Variants in CLSTN2 observed in about 807,000 individuals in gnomAD.
CLSTN2 encodes calsyntenin-2.
A neutral mutation model predicts 101.2 loss-of-function variants in CLSTN2; 48 were observed. The ratio of observed to expected loss-of-function variants is 0.47; its 90% CI spans 0.38 to 0.60. The LOEUF is 0.60. CLSTN2 is among the 20% of genes least tolerant of loss of function. The pLI, the probability that CLSTN2 is intolerant of heterozygous loss-of-function variation, is 0.00. For missense variants in CLSTN2, 1,160 were observed against 1,238.2 expected, an observed-to-expected ratio of 0.94 and a Z score of 0.95; for synonymous variants, 481 against 463.6, an observed-to-expected ratio of 1.04 and a Z score of -0.48.
At chr3:140,264,381 T>TAC (rs2086677612) in intron 2 of CLSTN2, among the ~76,000 whole-genome samples, 2 of 10,788 alleles carry the variant, frequency 1.9e-4, no homozygotes, top group Non-Finnish European at 4.4e-4. Context: ...ATCAAATATA[T>TAC]ATATATATAT....
chr3:140,553,673 G>A (rs568006592), intron 10 of CLSTN2, among the ~76,000 whole-genome samples: 1 of 152,300 alleles, frequency 6.6e-6, no homozygotes, highest in South Asian at 2.1e-4. Context: ...AATGCTGCAA[G>A]CCACTGAAGT....
chr3:139,953,071 T>C (rs868172598), intron 1 of CLSTN2, among the ~76,000 whole-genome samples: 4 of 152,148 alleles, frequency 2.6e-5, no homozygotes, highest in Non-Finnish European at 5.9e-5. Flanking sequence ...GACCTGCTAA[T>C]AGTGGCTTAG....
chr3:140,342,918 T>C (rs2087506324), intron 2 of CLSTN2, among the ~76,000 whole-genome samples: 1 of 152,174 alleles, frequency 6.6e-6, no homozygotes, highest in Non-Finnish European at 1.5e-5. Context: ...CAAAGGCTAG[T>C]ATCACAAGAG....
At chr3:140,492,623 A>C (rs1934374478) in intron 8 of CLSTN2, among the ~76,000 whole-genome samples, 1 of 152,262 alleles carries the variant, frequency 6.6e-6, no homozygotes, top group Non-Finnish European at 1.5e-5. Context: ...AAGCCTTTTG[A>C]ACTTTGCTCA....
intron 8 of CLSTN2, among the ~76,000 whole-genome samples, chr3:140,480,122 T>G (rs1056844445): frequency 1.1e-4 from 16 of 139,828 alleles, no homozygotes; most frequent in South Asian, 2.3e-4. Flanking sequence ...CAGGCCCCAG[T>G]GTGTGATGTT....
chr3:140,140,401 TGAGA>T (rs372472278), intron 1 of CLSTN2, among the ~76,000 whole-genome samples: 7 of 149,850 alleles, frequency 4.7e-5, no homozygotes, highest in South Asian at 2.1e-4. Context: ...CATCACATGA[TGAGA>T]GAGAGAGAGA....
chr3:140,459,028 C>A (rs1458151655), intron 6 of CLSTN2, among the ~76,000 whole-genome samples: 1 of 152,206 alleles, frequency 6.6e-6, no homozygotes, highest in African/African-American at 2.4e-5. Context: ...CCAATCACAG[C>A]CCTGATCACA....
At position 140,456,368 on chromosome 3, in the gene CLSTN2, A is replaced by G. The variant is rs115779389; in HGVS notation, c.974-3153A>G. ...CTAGGGCTCTTTATCTGTAACCTGG[A>G]ATCTTAACGATATTCACCGCGCAGA... On this transcript the variant is annotated intron_variant, in intron 6 of 16. Coordinates refer to ENST00000458420, the MANE Select transcript of CLSTN2 (RefSeq NM_022131.3). Among the ~76,000 whole-genome samples the G allele has an allele frequency of 4.9e-3, 743 of 152,308 alleles. 2 individuals carry two copies. Among genetic ancestry groups the G allele is most frequent in the Non-Finnish European group, 7.2e-3 (489 of 68,028 alleles).
intron 8 of CLSTN2, chr3:140,508,884 TAA>T (rs1468194930): frequency 6.6e-6 from 1 of 152,074 alleles, no homozygotes; most frequent in Non-Finnish European, 1.5e-5. Flanking sequence ...CTGGCGGGCC[TAA>T]GAGAGGGTTT....
chr3:140,037,238 C>G (rs994224853), intron 1 of CLSTN2, among the ~76,000 whole-genome samples: 12 of 152,152 alleles, frequency 7.9e-5, no homozygotes, highest in African/African-American at 2.4e-4. Flanking sequence ...GTACCTATTA[C>G]CCAGACCCAA....
intron 2 of CLSTN2, among the ~76,000 whole-genome samples, chr3:140,401,514 T>A (rs147362193): frequency 1.0e-3 from 158 of 152,368 alleles, no homozygotes; most frequent in African/African-American, 3.6e-3. Flanking sequence ...TCCTCTCCTC[T>A]GTCTTCTTTC....
chr3:139,977,753 T>G (rs1223284560), intron 1 of CLSTN2, among the ~76,000 whole-genome samples: 1 of 152,182 alleles, frequency 6.6e-6, no homozygotes, highest in Non-Finnish European at 1.5e-5. Flanking sequence ...GCCTGGGCAT[T>G]GCAGAAGAGC....
intron 2 of CLSTN2, among the ~76,000 whole-genome samples, chr3:140,379,688 G>A (rs1479859): frequency 0.95 from 145,415 of 152,296 alleles, 69,773 homozygotes; most frequent in East Asian, 1. Flanking sequence ...TCATCATTTT[G>A]TCATTGGGTA....
At chr3:140,052,898 T>G (rs2008024595) in intron 1 of CLSTN2, among the ~76,000 whole-genome samples, 1 of 152,184 alleles carries the variant, frequency 6.6e-6, no homozygotes, top group African/African-American at 2.4e-5. Context: ...TAGTGAGGAT[T>G]TAATAGCAAA....
At chr3:140,052,005 A>G (rs960545935) in intron 1 of CLSTN2, among the ~76,000 whole-genome samples, 1 of 152,214 alleles carries the variant, frequency 6.6e-6, no homozygotes, top group Non-Finnish European at 1.5e-5. Flanking sequence ...GCATGGCCTT[A>G]GTGAAAGCGA....
chr3:140,192,444 C>T (rs1576461987), intron 2 of CLSTN2, among the ~76,000 whole-genome samples: 1 of 151,816 alleles, frequency 6.6e-6, no homozygotes, highest in African/African-American at 2.4e-5. Context: ...TCTTTTAGTT[C>T]TACCAGTTTT....
At chr3:140,155,245 T>C (rs1468681915) in intron 1 of CLSTN2, among the ~76,000 whole-genome samples, 1 of 152,156 alleles carries the variant, frequency 6.6e-6, no homozygotes, top group Non-Finnish European at 1.5e-5. Context: ...GAATGGAATG[T>C]TGGCAGGTAG....
At chr3:139,976,222 G>A (rs1318327474) in intron 1 of CLSTN2, among the ~76,000 whole-genome samples, 1 of 152,132 alleles carries the variant, frequency 6.6e-6, no homozygotes, top group Non-Finnish European at 1.5e-5. Flanking sequence ...CCTCCTGGTG[G>A]GATAGTGCCC....
chr3:140,373,549 C>T (rs1576537968), intron 2 of CLSTN2, among the ~76,000 whole-genome samples: 2 of 152,196 alleles, frequency 1.3e-5, no homozygotes, highest in Admixed American at 1.3e-4. Flanking sequence ...ATCTTTCTGT[C>T]CTCCCTTGAT....
Sources: allele counts gnomAD v4.1 joint callset (sites outside exome capture counted in the v4.1 genomes callset), GRCh38; gene constraint gnomAD v4.1.1; transcripts MANE v1.5; gene names NCBI Gene and HGNC (gene_info 2026-07-23, HGNC 2026-07-21).